OSBPL10: variants seen among roughly 807,000 people sequenced by gnomAD.
OSBPL10 encodes the protein oxysterol binding protein like 10, also known as oxysterol-binding protein-related protein 10.
In OSBPL10, 49 loss-of-function variants were observed where a neutral mutation model predicts 81.7. The observed-to-expected ratio is 0.60, with a 90% CI of 0.48 to 0.76. OSBPL10 has a LOEUF of 0.76. Ranked by LOEUF, OSBPL10 falls within the 30% of genes least tolerant of loss-of-function variation. The probability of loss-of-function intolerance (pLI) is 0.00; values close to 1 mark genes in which losing one functional copy is unlikely to be tolerated. For synonymous variants in OSBPL10, 419 were observed against 383.6 expected, an observed-to-expected ratio of 1.09 and a Z score of -1.08; for missense variants, 923 against 987.8, an observed-to-expected ratio of 0.93 and a Z score of 0.88.
rs540657467 is a variant in OSBPL10 at position 31,702,754 on chromosome 3, C to T, written c.1096-246G>A. ...CTGATTAGTGAGTGTAAGGACTTCC[C>T]CTGACAAAACAGCTCCCTGTTCTTT... On this transcript the variant is annotated intron_variant, in intron 6 of 11. Transcript: ENST00000396556. 2.0e-4 allele frequency among the ~76,000 whole-genome samples: 31 copies of T among 152,266 alleles called. No homozygotes were observed. The South Asian group carries it at 6.4e-3, about 32-fold the overall frequency.
chr3:31,682,186 C>A (rs941940875), intron 8 of OSBPL10, among the ~76,000 whole-genome samples: 1 of 152,172 alleles, frequency 6.6e-6, no homozygotes, highest in Admixed American at 6.5e-5. Context: ...CTCACAACCT[C>A]CTCCCTAGTC....
intron 1 of OSBPL10, among the ~76,000 whole-genome samples, chr3:31,898,644 AACAGATAT>A (rs1255313713): frequency 6.6e-6 from 1 of 151,942 alleles, no homozygotes; most frequent in African/African-American, 2.4e-5. Context: ...AAATATACAA[AACAGATAT>A]ACAGATATAC....
chr3:31,827,307 G>GA (rs370605020), intron 4 of OSBPL10, among the ~76,000 whole-genome samples: 3,754 of 148,526 alleles, frequency 0.025, 143 homozygotes, highest in African/African-American at 0.086. Flanking sequence ...TACGATAAAG[G>GA]AAAAAAAAAA....
intron 1 of OSBPL10, among the ~76,000 whole-genome samples, chr3:31,979,458 A>C (rs1449146535): frequency 6.6e-6 from 1 of 152,222 alleles, no homozygotes; most frequent in East Asian, 1.9e-4. Flanking sequence ...TTCAGATGGA[A>C]GCAAATCTGA....
chr3:31,989,266 G>T, intron 2 of OSBPL10: 1 of 1,614,176 alleles, frequency 6.2e-7, no homozygotes, highest in Non-Finnish European at 8.5e-7. Flanking sequence ...CCTGCATTCT[G>T]TGGATATCTC....
At chr3:31,993,613 A>G (rs370065671) in intron 2 of OSBPL10, among the ~76,000 whole-genome samples, 13 of 152,274 alleles carry the variant, frequency 8.5e-5, no homozygotes, top group African/African-American at 3.1e-4. Context: ...ATTACTAGTC[A>G]TTAGGGAAAT....
intron 1 of OSBPL10, among the ~76,000 whole-genome samples, chr3:32,046,774 A>G (rs573918984): frequency 6.1e-4 from 93 of 152,368 alleles, no homozygotes; most frequent in South Asian, 1.4e-3. Flanking sequence ...ACTTCTCACA[A>G]GAATCTAATG....
chr3:31,894,377 A>G (rs377648513), intron 1 of OSBPL10, among the ~76,000 whole-genome samples: 5 of 152,348 alleles, frequency 3.3e-5, no homozygotes, highest in East Asian at 1.9e-4. Context: ...GGAAAAGAAC[A>G]GAGAAAACAA....
chr3:31,831,711 T>C (rs1438207594), intron 3 of OSBPL10, among the ~76,000 whole-genome samples: 6 of 152,158 alleles, frequency 3.9e-5, no homozygotes, highest in African/African-American at 2.4e-5. Context: ...ACTCATCAGA[T>C]TGGCAAAAAT....
intron 4 of OSBPL10, among the ~76,000 whole-genome samples, chr3:31,751,483 G>A (rs1043846629): frequency 2.6e-5 from 4 of 152,226 alleles, no homozygotes; most frequent in African/African-American, 4.8e-5. Context: ...AAGGCAGTGG[G>A]GTTTGGCAGT....
intron 1 of OSBPL10, among the ~76,000 whole-genome samples, chr3:31,955,000 CT>C (rs1697967280): frequency 1.3e-5 from 2 of 152,136 alleles, no homozygotes; most frequent in Non-Finnish European, 2.9e-5. Flanking sequence ...TTCAACATTT[CT>C]GTATATTTGA....
chr3:31,759,773 T>C (rs1697979315), intron 4 of OSBPL10, among the ~76,000 whole-genome samples: 1 of 152,178 alleles, frequency 6.6e-6, no homozygotes, highest in Non-Finnish European at 1.5e-5. Flanking sequence ...TTTACTTTTT[T>C]TTTTCCCCAA....
In OSBPL10 at chr3:31,684,022, G is replaced by A. The variant is rs200042864; in HGVS notation, c.1338C>T (p.Thr446=). ...MAHPDLLLAI[T]AGATPEERVI... is the part of the protein sequence containing the mutation. ...CTCTCTCCTCTGGTGTGGCCCCAGC[G>A]GTGATGGCCAGCAGTAGGTCTGGGT... is the stretch of plus-strand genomic sequence containing the variant. The change falls in exon 8 of 12, where the codon ACC becomes ACT. Residue 446 remains threonine (T), a synonymous_variant. Transcript: ENST00000396556. 1.3e-5 allele frequency: 21 copies of A among 1,614,216 alleles called. No individual in the cohort carries two copies. Among genetic ancestry groups the A allele is most frequent in the East Asian group, 4.5e-5 (2 of 44,884 alleles).
rs1268779096 is a variant in OSBPL10 at position 31,688,281 on chromosome 3, TCTCACACACACA to T, written c.1246-4179_1246-4168del. On this transcript the variant is annotated intron_variant, in intron 7 of 11. Coordinates refer to ENST00000396556, the MANE Select transcript of OSBPL10 (RefSeq NM_017784.5). ...CCCTGCACAAATCTCTCTCTCTCTCTCTCACACACACACACACACACACACACACACACACAC... is the reference window on the plus strand; with the variant it reads ...CCCTGCACAAATCTCTCTCTCTCTCTCACACACACACACACACACACACAC... 7.0e-5 allele frequency among the ~76,000 whole-genome samples: 8 copies of T among 113,910 alleles called. No homozygotes were observed. The South Asian group carries it at 9.6e-4, about 14-fold the overall frequency. 74.7% of individuals were successfully genotyped at this position (113,910 alleles called of 152,430 possible). A position where few individuals can be genotyped will look rare whatever the true frequency, so the allele number is the denominator to read the frequency against.
intron 6 of OSBPL10, among the ~76,000 whole-genome samples, chr3:31,702,938 G>A (rs1356304887): frequency 1.3e-5 from 2 of 151,990 alleles, no homozygotes; most frequent in Non-Finnish European, 2.9e-5. Context: ...GATTATCCAG[G>A]GACTAAAATT....
chr3:31,776,607 T>A (rs1323960880), intron 4 of OSBPL10, among the ~76,000 whole-genome samples: 2 of 152,198 alleles, frequency 1.3e-5, no homozygotes, highest in Non-Finnish European at 2.9e-5. Flanking sequence ...AATGGAATCT[T>A]ATCCACATAC....
intron 1 of OSBPL10, among the ~76,000 whole-genome samples, chr3:31,935,921 C>T (rs1479796324): frequency 1.3e-5 from 2 of 152,188 alleles, no homozygotes; most frequent in Non-Finnish European, 2.9e-5. Context: ...CAAAATTCTA[C>T]AAGCAGGATC....
At chr3:31,891,116 G>A (rs994862669) in intron 1 of OSBPL10, among the ~76,000 whole-genome samples, 11 of 152,000 alleles carry the variant, frequency 7.2e-5, no homozygotes, top group South Asian at 2.1e-4. Context: ...AAATTCCACC[G>A]TCCCTGAATT....
In OSBPL10 at chr3:31,981,076, A is replaced by T. The variant is rs1427894094; in HGVS notation, c.104T>A (p.Leu35Gln). Residue 35 changes from leucine (L) to glutamine (Q), a missense_variant, in exon 1 of 12, where the codon CTG (leucine) becomes CAG (glutamine). Around this residue, in one of 3 missense-constraint regions of OSBPL10, gnomAD observed 514 missense variants for 508.0 expected, o/e 1.01. Transcript: ENST00000396556. This position sits in a 1 kb window ranked among gnomAD's most constrained non-coding sequence, Gnocchi z 4.5. ...TSAGSSPSCS[L>Q]AGRGVSSRSA... is the part of the protein sequence containing the mutation. ...CCGGCTGGAGACCCCCCGGCCCGCCAGAGAGCAGGAGGGCGAGGAGCCCGC... is the reference window on the plus strand; with the variant it reads ...CCGGCTGGAGACCCCCCGGCCCGCCTGAGAGCAGGAGGGCGAGGAGCCCGC... 1.3e-6 allele frequency: 2 copies of T among 1,490,188 alleles called. No homozygotes were observed. The highest frequency in any genetic ancestry group is 1.8e-6 in the Non-Finnish European group (2 of 1,124,478). 92.3% of individuals were successfully genotyped at this position (1,490,188 alleles called of 1,614,324 possible).
Sources: allele counts gnomAD v4.1 joint callset (sites outside exome capture counted in the v4.1 genomes callset), GRCh38; gene constraint gnomAD v4.1.1; regional missense constraint gnomAD v4.1.1; non-coding constraint Gnocchi (gnomAD v3.1); transcripts MANE v1.5; gene names NCBI Gene and HGNC (gene_info 2026-07-23, HGNC 2026-07-21).